Variants in SIPA1L3 observed in about 807,000 individuals in gnomAD.
The protein encoded by SIPA1L3 is signal induced proliferation associated 1 like 3.
SIPA1L3 carries 59 observed loss-of-function variants against 150.1 expected under a neutral mutation model. The ratio of observed to expected loss-of-function variants is 0.39; its 90% CI spans 0.32 to 0.49. The LOEUF (loss-of-function observed/expected upper bound fraction) is 0.49. Ranked by LOEUF, SIPA1L3 falls within the 20% of genes least tolerant of loss-of-function variation. The pLI is 0.86. For missense variants in SIPA1L3, 2,211 were observed against 2,489.5 expected (o/e 0.89, Z 2.38); for synonymous variants, 1,070 against 1,077.6 (o/e 0.99, Z 0.14).
chr19:38,051,515 C>T (rs567101817), intron 2 of SIPA1L3, among the ~76,000 whole-genome samples: 14 of 152,282 alleles, frequency 9.2e-5, no homozygotes, highest in South Asian at 2.1e-4. Context: ...CCCTCAAAGA[C>T]GGTTCTGCCA....
intron 15 of SIPA1L3, among the ~76,000 whole-genome samples, chr19:38,182,022 G>C (rs1428369679): frequency 6.6e-6 from 1 of 151,166 alleles, no homozygotes; most frequent in African/African-American, 2.4e-5. Flanking sequence ...CATGCCTGTA[G>C]TCCCAGCTAC....
At chr19:37,950,580 C>A (rs1437981378) in intron 1 of SIPA1L3, among the ~76,000 whole-genome samples, 2 of 152,240 alleles carry the variant, frequency 1.3e-5, no homozygotes, top group African/African-American at 4.8e-5. Flanking sequence ...AGTGCAGCCC[C>A]AGCTCCTGAT....
intron 6 of SIPA1L3, among the ~76,000 whole-genome samples, chr19:38,104,603 G>T (rs1159908378): frequency 6.6e-6 from 1 of 152,000 alleles, no homozygotes; most frequent in Non-Finnish European, 1.5e-5. Flanking sequence ...AGACAGTCTC[G>T]CTCTGTCACC....
intron 1 of SIPA1L3, among the ~76,000 whole-genome samples, chr19:37,910,220 AAG>A (rs1213114584): frequency 3.3e-5 from 5 of 152,226 alleles, no homozygotes; most frequent in South Asian, 2.1e-4. Context: ...ATTTTAATAA[AAG>A]AATTCAATAA....
intron 1 of SIPA1L3, among the ~76,000 whole-genome samples, chr19:37,933,048 C>T (rs1472537788): frequency 1.3e-5 from 2 of 152,110 alleles, no homozygotes; most frequent in African/African-American, 4.8e-5. Context: ...GTTTCCTCTT[C>T]TTGTGAAATG....
At chr19:37,949,787 T>C (rs1289511968) in intron 1 of SIPA1L3, among the ~76,000 whole-genome samples, 1 of 152,066 alleles carries the variant, frequency 6.6e-6, no homozygotes, top group Non-Finnish European at 1.5e-5. Flanking sequence ...GTTAAGAACA[T>C]GGCCACATTG....
At chr19:38,015,449 T>C (rs180863326) in intron 1 of SIPA1L3, among the ~76,000 whole-genome samples, 2 of 152,094 alleles carry the variant, frequency 1.3e-5, no homozygotes. Flanking sequence ...TGTGGCCAGG[T>C]ACGGTGACTC....
At chr19:37,970,170 C>A (rs1389907162) in intron 1 of SIPA1L3, among the ~76,000 whole-genome samples, 1 of 152,156 alleles carries the variant, frequency 6.6e-6, no homozygotes, top group African/African-American at 2.4e-5. Flanking sequence ...TTTTTAAAAC[C>A]CTGGCGGTGA....
chr19:38,149,214 A>G (rs1971767976), intron 12 of SIPA1L3, among the ~76,000 whole-genome samples: 1 of 152,184 alleles, frequency 6.6e-6, no homozygotes, highest in African/African-American at 2.4e-5. Flanking sequence ...CAGCCTGGCC[A>G]ATATGGTGAA....
intron 1 of SIPA1L3, among the ~76,000 whole-genome samples, chr19:38,004,658 C>A (rs1250086401): frequency 6.6e-6 from 1 of 152,176 alleles, no homozygotes; most frequent in Admixed American, 6.5e-5. Flanking sequence ...GAGCTCCTGT[C>A]TGATTGGACT....
intron 9 of SIPA1L3, among the ~76,000 whole-genome samples, chr19:38,129,670 G>A (rs1467089899): frequency 6.6e-6 from 1 of 151,648 alleles, no homozygotes; most frequent in South Asian, 2.1e-4. Flanking sequence ...AGAATATAAT[G>A]TGAGTTCCCA....
chr19:38,205,364 G>A lies in SIPA1L3; in HGVS notation c.5203-733G>A, dbSNP rs576739670. ...TCCCAGCTACTTGGGAAGCTGGGGAGGAGAATTGCTTGAACCCAGGAGGCG... is the reference window on the plus strand; with the variant it reads ...TCCCAGCTACTTGGGAAGCTGGGGAAGAGAATTGCTTGAACCCAGGAGGCG... On this transcript the variant is annotated intron_variant, in intron 21 of 21. Coordinates refer to ENST00000222345, the MANE Select transcript of SIPA1L3 (RefSeq NM_015073.3). Among the ~76,000 whole-genome samples, 112 of 151,730 alleles carry A rather than the reference G, an allele frequency of 7.4e-4. 1 individual carries two copies. The Middle Eastern group carries it at 0.01, about 14-fold the overall frequency.
At chr19:38,076,025 C>G (rs1417408079) in intron 2 of SIPA1L3, among the ~76,000 whole-genome samples, 1 of 151,454 alleles carries the variant, frequency 6.6e-6, no homozygotes, top group East Asian at 2.0e-4. Context: ...CGTGTAGTCT[C>G]AGCCACTCCA....
At chr19:38,088,623 A>G in intron 3 of SIPA1L3, 98 bp from the exon 4 acceptor site, 3 of 1,450,526 alleles carry the variant, frequency 2.1e-6, no homozygotes, top group African/African-American at 1.4e-5. Flanking sequence ...CAGATTGCAC[A>G]GGACCCTGCC....
At chr19:38,022,547 G>A (rs528346932) in intron 1 of SIPA1L3, among the ~76,000 whole-genome samples, 3 of 140,396 alleles carry the variant, frequency 2.1e-5, no homozygotes, top group African/African-American at 9.2e-5. Flanking sequence ...AAAATACACA[G>A]ACACACACAA....
At chr19:38,010,752 G>C (rs1340624972) in intron 1 of SIPA1L3, among the ~76,000 whole-genome samples, 1 of 152,158 alleles carries the variant, frequency 6.6e-6, no homozygotes, top group African/African-American at 2.4e-5. Flanking sequence ...ACACTCTGGA[G>C]TCAGGCTGCC....
At chr19:38,118,889 A>G (rs1015298027) in intron 8 of SIPA1L3, among the ~76,000 whole-genome samples, 12 of 128,508 alleles carry the variant, frequency 9.3e-5, no homozygotes, top group African/African-American at 4.0e-4. Flanking sequence ...TTAGATGTGG[A>G]CTTTCATTCT....
chr19:38,074,385 C>A lies in SIPA1L3; in HGVS notation c.-310-6871C>A, dbSNP rs534525808. On this transcript the variant is annotated intron_variant, in intron 2 of 21. Transcript: ENST00000222345. ...GGTGCTTGCATAAGCAAGTCAGGGT[C>A]GCATCTGGGCCACTGGTTTTCCCAA... is the stretch of plus-strand genomic sequence containing the variant. Among the ~76,000 whole-genome samples the A allele has an allele frequency of 5.3e-4, 80 of 152,334 alleles. No homozygotes were observed. The Middle Eastern group carries it at 0.02, about 39-fold the overall frequency.
chr19:38,018,156 CTT>C (rs34874664), intron 1 of SIPA1L3, among the ~76,000 whole-genome samples: 1 of 61,328 alleles, frequency 1.6e-5, no homozygotes, highest in Admixed American at 2.0e-4. Flanking sequence ...CTTTGAGTGT[CTT>C]TTTTTTTTTT....
Sources: allele counts gnomAD v4.1 joint callset (sites outside exome capture counted in the v4.1 genomes callset), GRCh38; gene constraint gnomAD v4.1.1; transcripts MANE v1.5; gene names NCBI Gene and HGNC (gene_info 2026-07-23, HGNC 2026-07-21).